The following TFDP1 variants were observed in gnomAD, a reference collection of about 807,000 sequenced individuals.
The protein encoded by TFDP1 is DRTF1-polypeptide 1.
Under a neutral mutation model 48.0 loss-of-function variants are expected in TFDP1, and 6 were observed. That is an observed-to-expected ratio of 0.13 (90% confidence interval 0.07 to 0.25). The LOEUF is 0.25. Ranked by LOEUF, TFDP1 falls within the 10% of genes least tolerant of loss-of-function variation. The probability of loss-of-function intolerance (pLI) is 1.00; values close to 1 mark genes in which losing one functional copy is unlikely to be tolerated. For missense variants in TFDP1, 335 were observed against 543.0 expected, an observed-to-expected ratio of 0.62 and a Z score of 3.81; for synonymous variants, 201 against 211.6, an observed-to-expected ratio of 0.95 and a Z score of 0.44.
At chr13:113,593,887 T>C (rs1390567185) in intron 2 of TFDP1, among the ~76,000 whole-genome samples, 52 of 97,800 alleles carry the variant, frequency 5.3e-4, no homozygotes, top group East Asian at 1.4e-3. Flanking sequence ...CTCAGCCCTG[T>C]CCAGGTGACA....
intron 2 of TFDP1, among the ~76,000 whole-genome samples, chr13:113,588,527 C>G (rs966911818): frequency 6.6e-6 from 1 of 152,190 alleles, no homozygotes; most frequent in Non-Finnish European, 1.5e-5. Flanking sequence ...TGAGGTCAGT[C>G]CTCTGGGGGT....
chr13:113,590,417 G>A (rs2048111462), intron 2 of TFDP1, among the ~76,000 whole-genome samples: 1 of 152,214 alleles, frequency 6.6e-6, no homozygotes, highest in African/African-American at 2.4e-5. Context: ...GACCTGGATG[G>A]TGAAGTTCAG....
chr13:113,606,616 A>G lies in TFDP1; in HGVS notation c.13-4380A>G, dbSNP rs960613430. On this transcript the variant is annotated intron_variant, in intron 2 of 11. Transcript: ENST00000375370. The stretch of plus-strand genomic sequence containing the variant: ...GGCTGTGTGCCCCAGCCCTGCCATC[A>G]GCTGCCTGCTCCCGCTCACGTCTCC... Among the ~76,000 whole-genome samples the G allele has an allele frequency of 1.3e-4, 20 of 152,086 alleles. 1 individual carries two copies. Among genetic ancestry groups the G allele is most frequent in the South Asian group, 4.2e-4 (2 of 4,816 alleles).
intron 2 of TFDP1, among the ~76,000 whole-genome samples, chr13:113,606,625 C>T (rs1391623618): frequency 2.0e-5 from 3 of 152,138 alleles, no homozygotes; most frequent in Non-Finnish European, 4.4e-5. Context: ...CAGCTGCCTG[C>T]TCCCGCTCAC....
rs4150702 is a variant in TFDP1, at chr13:113,598,234, C to T, written c.12+12385C>T. Reference sequence around the variant, plus strand: ...CCGGTGCAGCCCACCCCAAAGACAGCGGGAGGCAGGATGCAAGCACCTTTT... The same window carrying T: ...CCGGTGCAGCCCACCCCAAAGACAGTGGGAGGCAGGATGCAAGCACCTTTT... On this transcript the variant is annotated intron_variant, in intron 2 of 11. Coordinates refer to ENST00000375370, the MANE Select transcript of TFDP1 (RefSeq NM_007111.5). This position sits in a 1 kb window ranked among gnomAD's most constrained non-coding sequence, Gnocchi z 4.2. Among the ~76,000 whole-genome samples, 603 of 152,234 alleles carry T rather than the reference C, an allele frequency of 4.0e-3. 7 individuals are homozygous for T. Among genetic ancestry groups the T allele is most frequent in the African/African-American group, 0.014 (565 of 41,538 alleles).
intron 4 of TFDP1, among the ~76,000 whole-genome samples, chr13:113,628,373 G>C (rs370794721): frequency 6.6e-6 from 1 of 152,242 alleles, no homozygotes; most frequent in Non-Finnish European, 1.5e-5. Context: ...GATTCCAGCC[G>C]TGAGCACAGT....
At chr13:113,619,091 A>T (rs1300835379) in intron 3 of TFDP1, among the ~76,000 whole-genome samples, 1 of 152,238 alleles carries the variant, frequency 6.6e-6, no homozygotes, top group Non-Finnish European at 1.5e-5. Flanking sequence ...AACTTGAAGC[A>T]AGTATGATGA....
intron 3 of TFDP1, among the ~76,000 whole-genome samples, chr13:113,614,156 G>T (rs1361541502): frequency 6.6e-6 from 1 of 151,978 alleles, no homozygotes; most frequent in Non-Finnish European, 1.5e-5. Flanking sequence ...GTGTGCATGT[G>T]TGTGTGTTGT....
At chr13:113,586,757 T>C (rs1322317514) in intron 2 of TFDP1, among the ~76,000 whole-genome samples, 1 of 152,232 alleles carries the variant, frequency 6.6e-6, no homozygotes, top group African/African-American at 2.4e-5. Flanking sequence ...CTCCCTGACC[T>C]GCGACCAGGC....
chr13:113,633,696 T>G lies in TFDP1; in HGVS notation c.475-194T>G, dbSNP rs1218386946. On this transcript the variant is annotated intron_variant, in intron 6 of 11. Coordinates refer to ENST00000375370, the MANE Select transcript of TFDP1 (RefSeq NM_007111.5). The surrounding 1 kb of genome is among the most constrained non-coding windows in gnomAD (Gnocchi z 4.5). ...ACCCGAGAGCCCCCGGCTCTCCTTC[T>G]GGAACACACTCAGGCTTCGCACAGC... 6.6e-6 allele frequency among the ~76,000 whole-genome samples: 1 copy of G among 152,054 alleles called. No homozygotes were observed. Among genetic ancestry groups the G allele is most frequent in the Non-Finnish European group, 1.5e-5 (1 of 67,990 alleles).
chr13:113,618,939 G>A (rs2048927911), intron 3 of TFDP1, among the ~76,000 whole-genome samples: 1 of 152,194 alleles, frequency 6.6e-6, no homozygotes, highest in Non-Finnish European at 1.5e-5. Context: ...TATAGCCTTA[G>A]GTTCAGCACA....
Position 113,619,470 on chromosome 13 carries a change from C to CA in TFDP1, c.80-3700dup, listed in dbSNP as rs950584099. 2.8e-3 allele frequency among the ~76,000 whole-genome samples: 176 copies of CA among 63,080 alleles called. 2 individuals are homozygous for CA. Among genetic ancestry groups the CA allele is most frequent in the Admixed American group, 4.8e-3 (30 of 6,206 alleles). 41.4% of individuals were successfully genotyped at this position (63,080 alleles called of 152,430 possible). A position where few individuals can be genotyped will look rare whatever the true frequency, so the allele number is the denominator to read the frequency against. ...TGGGCGACACAGTGAGACTCCATCT[C>CA]AAAAAAAAAACAAAAAAAAAAAAAA... On this transcript the variant is annotated intron_variant, in intron 3 of 11. Coordinates refer to ENST00000375370, the MANE Select transcript of TFDP1 (RefSeq NM_007111.5).
intron 8 of TFDP1, among the ~76,000 whole-genome samples, chr13:113,635,498 T>C (rs1325920977): frequency 2.0e-5 from 3 of 152,174 alleles, no homozygotes; most frequent in Non-Finnish European, 2.9e-5. Context: ...CCTGAGGCCC[T>C]GGCCCTGGAT....
At chr13:113,595,359 C>T (rs1294013555) in intron 2 of TFDP1, among the ~76,000 whole-genome samples, 4 of 152,194 alleles carry the variant, frequency 2.6e-5, no homozygotes, top group African/African-American at 7.2e-5. Flanking sequence ...TCTCAGGACA[C>T]GGAGTGCAGC....
At chr13:113,597,394 C>T (rs571623579) in intron 2 of TFDP1, among the ~76,000 whole-genome samples, 4 of 152,212 alleles carry the variant, frequency 2.6e-5, no homozygotes, top group East Asian at 1.9e-4. Context: ...GACCCCGTCG[C>T]GCTGTCTGGC....
At chr13:113,590,367 T>C (rs539950902) in intron 2 of TFDP1, among the ~76,000 whole-genome samples, 3 of 152,166 alleles carry the variant, frequency 2.0e-5, no homozygotes, top group Non-Finnish European at 4.4e-5. Flanking sequence ...AGGGGACCAA[T>C]GAGCTCCTCT....
intron 2 of TFDP1, among the ~76,000 whole-genome samples, chr13:113,593,117 G>A (rs1429628666): frequency 7.1e-6 from 1 of 141,040 alleles, no homozygotes; most frequent in African/African-American, 2.7e-5. Flanking sequence ...GGTGTGCTGT[G>A]TGTGGGTCCT....
chr13:113,632,642 G>T (rs150287271), intron 5 of TFDP1, among the ~76,000 whole-genome samples: 2,190 of 152,306 alleles, frequency 0.014, 48 homozygotes, highest in African/African-American at 0.05. Context: ...GCCAGATGTG[G>T]TGGCACGTGC....
intron 2 of TFDP1, among the ~76,000 whole-genome samples, chr13:113,610,664 G>T (rs149311653): frequency 6.6e-6 from 1 of 152,336 alleles, no homozygotes; most frequent in East Asian, 1.9e-4. Flanking sequence ...TCTTACCTGT[G>T]CCACACTTAA....
Sources: allele counts gnomAD v4.1 joint callset (sites outside exome capture counted in the v4.1 genomes callset), GRCh38; gene constraint gnomAD v4.1.1; non-coding constraint Gnocchi (gnomAD v3.1); transcripts MANE v1.5; gene names NCBI Gene and HGNC (gene_info 2026-07-23, HGNC 2026-07-21).